Variants in PRKG1 observed in about 807,000 individuals in gnomAD.
PRKG1 encodes cGMP-dependent protein kinase 1.
Under a neutral mutation model 88.1 loss-of-function variants are expected in PRKG1, and 35 were observed. The observed-to-expected ratio is 0.40, with a 90% CI of 0.30 to 0.53. The LOEUF is 0.53. Ranked by LOEUF, PRKG1 falls within the 20% of genes least tolerant of loss-of-function variation. The pLI is 0.59. For missense variants in PRKG1, 540 were observed against 839.8 expected (o/e 0.64, Z 4.41); for synonymous variants, 303 against 292.5 (o/e 1.04, Z -0.37).
chr10:52,072,795 CAT>C (rs1316941462), intron 7 of PRKG1, among the ~76,000 whole-genome samples: 6 of 152,186 alleles, frequency 3.9e-5, no homozygotes, highest in Non-Finnish European at 8.8e-5. Context: ...TTAGTGCCAC[CAT>C]GATCTGTCTA....
intron 2 of PRKG1, among the ~76,000 whole-genome samples, chr10:51,407,897 C>T (rs1341103178): frequency 1.3e-5 from 2 of 152,196 alleles, no homozygotes; most frequent in Admixed American, 6.5e-5. Context: ...TTGTAACTCC[C>T]TTCTTAGCCT....
chr10:51,790,425 T>A (rs1378886016), intron 3 of PRKG1, among the ~76,000 whole-genome samples: 1 of 152,142 alleles, frequency 6.6e-6, no homozygotes, highest in East Asian at 1.9e-4. Flanking sequence ...ATTTCACTCA[T>A]ATCTGAGAAT....
chr10:51,731,017 G>A (rs1290841524), intron 3 of PRKG1, among the ~76,000 whole-genome samples: 3 of 152,072 alleles, frequency 2.0e-5, no homozygotes, highest in African/African-American at 7.2e-5. Flanking sequence ...TTAGCCGAGT[G>A]TGGTGGTGGG....
chr10:51,450,422 G>A (rs147677417), intron 2 of PRKG1, among the ~76,000 whole-genome samples: 114 of 152,066 alleles, frequency 7.5e-4, no homozygotes, highest in African/African-American at 2.5e-3. Flanking sequence ...AGACATATTA[G>A]TAACTCTAAG....
rs60576406 is a variant in PRKG1 at position 52,072,158 on chromosome 10, C to CTTTTTTTTTTTTTTTTTTTT, written c.935+9534_935+9553dup. Among the ~76,000 whole-genome samples, 139 of 39,566 alleles carry CTTTTTTTTTTTTTTTTTTTT rather than the reference C, an allele frequency of 3.5e-3. 2 individuals are homozygous for CTTTTTTTTTTTTTTTTTTTT. Among genetic ancestry groups the CTTTTTTTTTTTTTTTTTTTT allele is most frequent in the East Asian group, 7.0e-3 (6 of 860 alleles). 26.0% of individuals were successfully genotyped at this position (39,566 alleles called of 152,430 possible). A position where few individuals can be genotyped will look rare whatever the true frequency, so the allele number is the denominator to read the frequency against. On this transcript the variant is annotated intron_variant, in intron 7 of 17. Coordinates refer to ENST00000373980, the MANE Select transcript of PRKG1 (RefSeq NM_006258.4). ...GAGACTCTCAGGGTTTATTGTTTTG[C>CTTTTTTTTTTTTTTTTTTTT]TTTTTTTTTTTTTTTTTTTTTTTTT...
At chr10:51,638,751 G>A (rs1016474452) in intron 3 of PRKG1, among the ~76,000 whole-genome samples, 7 of 152,084 alleles carry the variant, frequency 4.6e-5, no homozygotes, top group Non-Finnish European at 7.4e-5. Context: ...ATCATTTGTC[G>A]GTTCAGCTAG....
intron 3 of PRKG1, among the ~76,000 whole-genome samples, chr10:51,725,387 G>A (rs1842105846): frequency 6.6e-6 from 1 of 151,764 alleles, no homozygotes; most frequent in South Asian, 2.1e-4. Context: ...TTACTGACTA[G>A]TTTGTAAATA....
At chr10:51,686,648 A>C (rs1177668940) in intron 3 of PRKG1, among the ~76,000 whole-genome samples, 1 of 152,232 alleles carries the variant, frequency 6.6e-6, no homozygotes, top group Non-Finnish European at 1.5e-5. Flanking sequence ...CCCCATAGGC[A>C]AACAAAGCCC....
intron 3 of PRKG1, among the ~76,000 whole-genome samples, chr10:51,547,777 T>C (rs1842476060): frequency 6.6e-6 from 1 of 152,138 alleles, no homozygotes; most frequent in African/African-American, 2.4e-5. Flanking sequence ...GCATATTGTA[T>C]TGTCTCTTAA....
intron 1 of PRKG1, among the ~76,000 whole-genome samples, chr10:51,046,619 A>C (rs1228958234): frequency 6.6e-6 from 1 of 152,180 alleles, no homozygotes; most frequent in Non-Finnish European, 1.5e-5. Flanking sequence ...GGTCTTAAAC[A>C]GAGGCTTCTG....
At chr10:52,044,512 G>C (rs1480348007) in intron 5 of PRKG1, among the ~76,000 whole-genome samples, 3 of 152,086 alleles carry the variant, frequency 2.0e-5, no homozygotes, top group Non-Finnish European at 4.4e-5. Context: ...TAGAAGCCAA[G>C]ATACTTCATT....
chr10:52,003,626 A>T (rs1235896486), intron 5 of PRKG1, among the ~76,000 whole-genome samples: 1 of 152,198 alleles, frequency 6.6e-6, no homozygotes, highest in East Asian at 1.9e-4. Context: ...GACTCTCAGA[A>T]CCCAGATACG....
At chr10:51,211,191 A>G (rs533828034) in intron 2 of PRKG1, among the ~76,000 whole-genome samples, 5 of 152,298 alleles carry the variant, frequency 3.3e-5, no homozygotes, top group Non-Finnish European at 7.4e-5. Flanking sequence ...AATCCAGCAT[A>G]TAAACAGAAC....
At chr10:51,872,665 A>G (rs1422393805) in intron 4 of PRKG1, among the ~76,000 whole-genome samples, 3 of 152,118 alleles carry the variant, frequency 2.0e-5, no homozygotes, top group African/African-American at 7.2e-5. Context: ...TTACTGGTAA[A>G]TCCTTATATG....
intron 2 of PRKG1, among the ~76,000 whole-genome samples, chr10:51,410,006 G>C (rs532265206): frequency 2.6e-5 from 4 of 152,040 alleles, no homozygotes; most frequent in Non-Finnish European, 2.9e-5. Context: ...AAGCACCATT[G>C]GATCTGTTGG....
At chr10:52,250,921 C>A (rs1841154624) in intron 9 of PRKG1, among the ~76,000 whole-genome samples, 1 of 152,072 alleles carries the variant, frequency 6.6e-6, no homozygotes, top group Non-Finnish European at 1.5e-5. Context: ...AGATTGCTAG[C>A]TGAGAGTATT....
At chr10:51,430,857 A>G (rs1588950902) in intron 2 of PRKG1, among the ~76,000 whole-genome samples, 1 of 152,220 alleles carries the variant, frequency 6.6e-6, no homozygotes, top group South Asian at 2.1e-4. Flanking sequence ...CATATTATAT[A>G]ATTTTATGTA....
At chr10:51,986,465 T>C (rs1353503383) in intron 5 of PRKG1, among the ~76,000 whole-genome samples, 2 of 152,246 alleles carry the variant, frequency 1.3e-5, no homozygotes, top group East Asian at 3.8e-4. Flanking sequence ...CTATGATTTT[T>C]GATGAGCACT....
In PRKG1 at chr10:52,295,905, C is replaced by T. The variant is rs1052477540; in HGVS notation, c.*2005C>T. 9 of 151,746 alleles carry T rather than the reference C, an allele frequency of 5.9e-5. No individual in the cohort carries two copies. The highest frequency in any genetic ancestry group is 1.9e-4 in the East Asian group (1 of 5,174). 9.4% of individuals were successfully genotyped at this position (151,746 alleles called of 1,614,324 possible). A position where few individuals can be genotyped will look rare whatever the true frequency, so the allele number is the denominator to read the frequency against. On this transcript the variant is annotated 3_prime_UTR_variant, in exon 18 of 18. Coordinates refer to ENST00000373980, the MANE Select transcript of PRKG1 (RefSeq NM_006258.4). ...TTATTCTTGTATTTTTGGAGTTTTC[C>T]GTCCCTTACAATTTCTCCAAATTGG...
Sources: gnomAD v4.1 joint callset for allele counts (sites outside exome capture counted in the v4.1 genomes callset) on GRCh38, gnomAD v4.1.1 for gene constraint, MANE v1.5 for transcripts, NCBI Gene and HGNC (gene_info 2026-07-23, HGNC 2026-07-21) for gene names.